Variants in KCNK2 observed in about 807,000 individuals in gnomAD.
KCNK2 encodes the protein potassium two pore domain channel subfamily K member 2, also known as potassium channel subfamily K member 2.
A neutral mutation model predicts 40.5 loss-of-function variants in KCNK2; 21 were observed. The ratio of observed to expected loss-of-function variants is 0.52; its 90% CI spans 0.37 to 0.75. The LOEUF is 0.75. Among genes scored for constraint, KCNK2 ranks in the 30% least tolerant of loss-of-function variants. KCNK2 has a pLI of 0.00. For missense variants in KCNK2, 399 were observed against 531.6 expected (o/e 0.75, Z 2.45); for synonymous variants, 191 against 202.2 (o/e 0.94, Z 0.47).
intron 2 of KCNK2, among the ~76,000 whole-genome samples, chr1:215,109,459 A>T (rs1312666290): frequency 6.6e-6 from 1 of 151,876 alleles, no homozygotes; most frequent in Non-Finnish European, 1.5e-5. Context: ...AACATGTGAG[A>T]TTTATATTTC....
intron 2 of KCNK2, among the ~76,000 whole-genome samples, chr1:215,103,663 T>C (rs1660314340): frequency 6.6e-6 from 1 of 152,090 alleles, no homozygotes; most frequent in African/African-American, 2.4e-5. Context: ...TTAATTAAAA[T>C]GGTAAATGAT....
At chr1:215,039,802 T>C (rs1657504622) in intron 1 of KCNK2, among the ~76,000 whole-genome samples, 1 of 152,180 alleles carries the variant, frequency 6.6e-6, no homozygotes, top group African/African-American at 2.4e-5. Flanking sequence ...ATTTTTTATT[T>C]ACATCCTGGA....
Position 215,169,318 on chromosome 1 carries a change from A to G in KCNK2, c.595A>G (p.Ile199Val). 1.2e-6 allele frequency: 2 copies of G among 1,613,020 alleles called. No homozygotes were observed. Among genetic ancestry groups the G allele is most frequent in the East Asian group, 4.5e-5 (2 of 44,778 alleles). The change falls in exon 4 of 7, where the codon ATA becomes GTA. Residue 199 changes from isoleucine to valine, a missense_variant. This residue lies in a region of KCNK2 where 279 missense variants were observed against 353.8 expected (regional missense o/e 0.79). Coordinates refer to ENST00000444842, the MANE Select transcript of KCNK2 (RefSeq NM_001017425.3). Reference sequence around the variant, plus strand: ...TGGAGTTGGAGATCAGCTAGGCACCATATTTGGAAAAGGAATTGCCAAAGT... The same window carrying G: ...TGGAGTTGGAGATCAGCTAGGCACCGTATTTGGAAAAGGAATTGCCAAAGT... ...LAGVGDQLGT[I>V]FGKGIAKVED... is the part of the protein sequence containing the mutation.
intron 1 of KCNK2, among the ~76,000 whole-genome samples, chr1:215,052,974 A>T (rs993913843): frequency 1.3e-5 from 2 of 152,166 alleles, no homozygotes; most frequent in African/African-American, 4.8e-5. Flanking sequence ...GGATGGTTGG[A>T]TGCAGGAGAT....
chr1:215,015,724 A>C (rs1656563965), intron 1 of KCNK2, among the ~76,000 whole-genome samples: 2 of 152,290 alleles, frequency 1.3e-5, no homozygotes, highest in Admixed American at 1.3e-4. Flanking sequence ...AAAAAGTTAC[A>C]AAAAGGATCT....
At chr1:215,189,428 A>G (rs763957894) in intron 5 of KCNK2, among the ~76,000 whole-genome samples, 4 of 152,168 alleles carry the variant, frequency 2.6e-5, no homozygotes, top group Non-Finnish European at 4.4e-5. Flanking sequence ...GTACATCTAT[A>G]TACTGTTCCA....
At chr1:215,219,488 CA>C (rs137871606) in intron 6 of KCNK2, among the ~76,000 whole-genome samples, 8,291 of 152,088 alleles carry the variant, frequency 0.055, 694 homozygotes, top group African/African-American at 0.19. Flanking sequence ...ACATAAATGC[CA>C]AAGTGAATTG....
intron 1 of KCNK2, among the ~76,000 whole-genome samples, chr1:215,064,466 A>G (rs1658469224): frequency 6.6e-6 from 1 of 152,202 alleles, no homozygotes; most frequent in East Asian, 1.9e-4. Flanking sequence ...GTTTGACTGC[A>G]TCACCTCGGT....
At position 215,236,045 on chromosome 1, in the gene KCNK2, AATCTATCTATCTATCTATCT is replaced by A. The variant is rs1553277248; in HGVS notation, c.*934_*953del. Reference sequence around the variant, plus strand: ...TACATTTTTAAAGGCAGAAGAAGAAAATCTATCTATCTATCTATCTATCTATCTATCTATCTATCTATCTA... The same window carrying A: ...TACATTTTTAAAGGCAGAAGAAGAAAATCTATCTATCTATCTATCTATCTA... On this transcript the variant is annotated 3_prime_UTR_variant, in exon 7 of 7. Transcript: ENST00000444842. The A allele has an allele frequency of 1.9e-3, 268 of 144,404 alleles. 3 individuals carry two copies. The East Asian group carries it at 0.044, about 24-fold the overall frequency. 8.9% of individuals were successfully genotyped at this position (144,404 alleles called of 1,614,324 possible). A position where few individuals can be genotyped will look rare whatever the true frequency, so the allele number is the denominator to read the frequency against.
chr1:215,176,506 C>G (rs1426539044), intron 5 of KCNK2, among the ~76,000 whole-genome samples: 1 of 152,090 alleles, frequency 6.6e-6, no homozygotes, highest in African/African-American at 2.4e-5. Flanking sequence ...GCACCGCTGA[C>G]AGACCCCAGT....
At chr1:215,111,137 G>A (rs769319598) in intron 2 of KCNK2, among the ~76,000 whole-genome samples, 2 of 152,004 alleles carry the variant, frequency 1.3e-5, no homozygotes, top group African/African-American at 4.8e-5. Flanking sequence ...TGCACTTAAC[G>A]TTTTCTGCAT....
At chr1:215,223,522 C>T (rs1408070142) in intron 6 of KCNK2, among the ~76,000 whole-genome samples, 1 of 151,986 alleles carries the variant, frequency 6.6e-6, no homozygotes, top group Non-Finnish European at 1.5e-5. Flanking sequence ...GATTGTAGGA[C>T]TGCAAGGGAA....
intron 1 of KCNK2, among the ~76,000 whole-genome samples, chr1:215,017,916 C>T (rs1322197236): frequency 6.6e-6 from 1 of 152,052 alleles, no homozygotes; most frequent in Admixed American, 6.5e-5. Context: ...TGGGCAGATA[C>T]ATGTGAAATT....
intron 1 of KCNK2, among the ~76,000 whole-genome samples, chr1:215,031,037 G>A (rs564586775): frequency 9.9e-5 from 15 of 152,026 alleles, no homozygotes; most frequent in Admixed American, 3.9e-4. Context: ...CTTCATCGTC[G>A]AAGAACTGTT....
intron 1 of KCNK2, among the ~76,000 whole-genome samples, chr1:215,024,513 G>A (rs1347181350): frequency 6.6e-6 from 1 of 152,120 alleles, no homozygotes; most frequent in African/African-American, 2.4e-5. Context: ...CTCTAGCCCA[G>A]GTTATTGAAG....
intron 6 of KCNK2, among the ~76,000 whole-genome samples, chr1:215,195,715 TTAAA>T (rs1183491011): frequency 6.6e-6 from 1 of 152,186 alleles, no homozygotes; most frequent in African/African-American, 2.4e-5. Flanking sequence ...AATTTGAAAT[TTAAA>T]TATTGATTTT....
intron 6 of KCNK2, among the ~76,000 whole-genome samples, chr1:215,233,009 A>G (rs894080036): frequency 1.3e-5 from 2 of 152,210 alleles, no homozygotes; most frequent in African/African-American, 4.8e-5. Flanking sequence ...GATACTGCCT[A>G]TGCCTTCCTA....
intron 6 of KCNK2, among the ~76,000 whole-genome samples, chr1:215,209,303 TTA>T (rs1178523446): frequency 5.5e-5 from 5 of 90,720 alleles, no homozygotes; most frequent in South Asian, 2.8e-4. Flanking sequence ...ATAATATATA[TTA>T]TATATATGAA....
chr1:215,136,019 C>T (rs1221608202), intron 3 of KCNK2, among the ~76,000 whole-genome samples: 4 of 152,190 alleles, frequency 2.6e-5, no homozygotes, highest in Admixed American at 6.5e-5. Context: ...AGGCGTTAGC[C>T]ACCGTGCCTG....
Sources: gnomAD v4.1 joint callset for allele counts (sites outside exome capture counted in the v4.1 genomes callset) on GRCh38, gnomAD v4.1.1 for gene constraint, gnomAD v4.1.1 regional missense constraint, MANE v1.5 for transcripts, NCBI Gene and HGNC (gene_info 2026-07-23, HGNC 2026-07-21) for gene names.